The following PTBP3 variants were observed in gnomAD, a reference collection of about 807,000 sequenced individuals.
PTBP3 encodes the protein polypyrimidine tract-binding protein 3.
In PTBP3, 20 loss-of-function variants were observed where a neutral mutation model predicts 58.7. That is an observed-to-expected ratio of 0.34 (90% CI 0.24 to 0.50). PTBP3 has a LOEUF of 0.50. Ranked by LOEUF, PTBP3 falls within the 20% of genes least tolerant of loss-of-function variation. The pLI, the probability that PTBP3 is intolerant of heterozygous loss-of-function variation, is 0.98. For missense variants in PTBP3, 509 were observed against 637.2 expected, an observed-to-expected ratio of 0.80 and a Z score of 2.17; for synonymous variants, 185 against 219.8, an observed-to-expected ratio of 0.84 and a Z score of 1.40.
chr9:112,239,026 A>G (rs1835540851), intron 7 of PTBP3, among the ~76,000 whole-genome samples: 1 of 152,200 alleles, frequency 6.6e-6, no homozygotes, highest in Admixed American at 6.5e-5. Context: ...AACAATAATA[A>G]CAAATTGCCA....
intron 11 of PTBP3, among the ~76,000 whole-genome samples, chr9:112,228,005 T>C (rs113865467): frequency 2.0e-5 from 3 of 152,318 alleles, no homozygotes; most frequent in Admixed American, 6.5e-5. Flanking sequence ...ATGAACCCTT[T>C]CTTGTATCAT....
At chr9:112,298,758 C>T (rs1221762879) in intron 1 of PTBP3, among the ~76,000 whole-genome samples, 1 of 152,180 alleles carries the variant, frequency 6.6e-6, no homozygotes, top group Non-Finnish European at 1.5e-5. Flanking sequence ...GTAGGTGCCA[C>T]TTCTGTAGGG....
the PTBP3 span, among the ~76,000 whole-genome samples, chr9:112,375,343 A>G: frequency 1.6e-3 from 241 of 152,340 alleles, 3 homozygotes; most frequent in South Asian, 9.3e-3. Flanking sequence ...ACATCTGGCC[A>G]TTTCTCCTTC....
In PTBP3 at chr9:112,250,967, C is replaced by T. The variant is rs1485603307; in HGVS notation, c.764G>A (p.Gly255Asp). Residue 255 changes from glycine to aspartate, a missense_variant, in exon 7 of 14, where the codon GGC becomes GAC. Gly to Asp is a moderately conservative substitution (Grantham distance 94, BLOSUM62 -1). Transcript: ENST00000374257. ...CATAGGGGGTTCAAGGGATGGCTGGCCATCACCAGTAGGAAGGTCTAAGCG... is the reference window on the plus strand; with the variant it reads ...CATAGGGGGTTCAAGGGATGGCTGGTCATCACCAGTAGGAAGGTCTAAGCG... ...FTRLDLPTGD[G>D]QPSLEPPMAA... is the part of the protein sequence containing the mutation. 1.2e-6 allele frequency: 2 copies of T among 1,607,730 alleles called. No homozygotes were observed. The highest frequency in any genetic ancestry group is 1.1e-5 in the South Asian group (1 of 89,948).
the PTBP3 span, among the ~76,000 whole-genome samples, chr9:112,358,073 C>T: frequency 6.6e-6 from 1 of 152,016 alleles, no homozygotes; most frequent in Non-Finnish European, 1.5e-5. Context: ...TTTAGAAGGC[C>T]AAGGCAGGTG....
chr9:112,295,601 T>TAAAA (rs35276003), intron 2 of PTBP3, among the ~76,000 whole-genome samples: 62 of 92,472 alleles, frequency 6.7e-4, no homozygotes, highest in African/African-American at 2.0e-3. Flanking sequence ...GTTCTGTTGG[T>TAAAA]AAAAAAAAAA....
rs1426305448 is a variant in PTBP3, at chr9:112,221,614, C to G, written c.*2237G>C. The G allele has an allele frequency of 1.4e-5, 14 of 985,140 alleles. No individual in the cohort carries two copies. The highest frequency in any genetic ancestry group is 1.7e-5 in the African/African-American group (1 of 57,162). The allele number at this position is 985,140 out of a possible 1,614,324, so 61.0% of individuals were successfully genotyped here. Reference sequence around the variant, plus strand: ...TTCCTCCTTCATATACCCCTTGTGTCTAGGTCAAAACTTATTTCATAAGTA... The same window carrying G: ...TTCCTCCTTCATATACCCCTTGTGTGTAGGTCAAAACTTATTTCATAAGTA... On this transcript the variant is annotated 3_prime_UTR_variant, in exon 14 of 14. Transcript: ENST00000374257.
intron 7 of PTBP3, among the ~76,000 whole-genome samples, chr9:112,236,977 G>T (rs1167918452): frequency 1.3e-5 from 2 of 152,088 alleles, no homozygotes; most frequent in African/African-American, 4.8e-5. Context: ...CTGATGAGGG[G>T]GAGTAGTTGT....
At chr9:112,377,519 C>T in the PTBP3 span, among the ~76,000 whole-genome samples, 1 of 152,182 alleles carries the variant, frequency 6.6e-6, no homozygotes. Context: ...AGTTGTTCAG[C>T]TCTTCCTTAA....
chr9:112,320,510 T>C (rs1013434520), intron 1 of PTBP3, among the ~76,000 whole-genome samples: 2 of 151,682 alleles, frequency 1.3e-5, no homozygotes, highest in Non-Finnish European at 2.9e-5. Flanking sequence ...TAGATTTTAA[T>C]CAATGCCAGG....
chr9:112,225,928 C>T (rs896248975), intron 12 of PTBP3, among the ~76,000 whole-genome samples: 1 of 152,046 alleles, frequency 6.6e-6, no homozygotes. Context: ...CCTGTAGTCC[C>T]AGCTACTTGG....
intron 2 of PTBP3, among the ~76,000 whole-genome samples, chr9:112,290,648 G>T (rs1466314502): frequency 7.0e-6 from 1 of 143,816 alleles, no homozygotes; most frequent in African/African-American, 2.6e-5. Flanking sequence ...TTCCAGCCTG[G>T]GTGACAAAGT....
chr9:112,350,830 A>G, the PTBP3 span, among the ~76,000 whole-genome samples: 7 of 151,832 alleles, frequency 4.6e-5, no homozygotes, highest in African/African-American at 1.7e-4. Context: ...ACGAAGTCTC[A>G]CTCTGTTGCC....
At chr9:112,233,902 G>A (rs1046282546) in intron 8 of PTBP3, among the ~76,000 whole-genome samples, 2 of 150,858 alleles carry the variant, frequency 1.3e-5, no homozygotes, top group East Asian at 1.9e-4. Flanking sequence ...CTGCATTCCA[G>A]CCTGGGCAAC....
At chr9:112,275,559 T>C (rs1387524912) in intron 3 of PTBP3, among the ~76,000 whole-genome samples, 1 of 152,134 alleles carries the variant, frequency 6.6e-6, no homozygotes, top group Non-Finnish European at 1.5e-5. Flanking sequence ...TAAACCACTG[T>C]GTAATACAAA....
chr9:112,296,836 T>G (rs1197935097), intron 2 of PTBP3, among the ~76,000 whole-genome samples: 1 of 152,158 alleles, frequency 6.6e-6, no homozygotes, highest in Non-Finnish European at 1.5e-5. Context: ...AAGTCCAAGT[T>G]CAAAACCTGG....
At chr9:112,310,121 T>G (rs1200014275) in intron 1 of PTBP3, among the ~76,000 whole-genome samples, 1 of 152,242 alleles carries the variant, frequency 6.6e-6, no homozygotes, top group Admixed American at 6.5e-5. Flanking sequence ...ATTGTTCATT[T>G]GTGACATTTT....
At chr9:112,305,430 A>G (rs1170165888) in intron 1 of PTBP3, among the ~76,000 whole-genome samples, 3 of 152,254 alleles carry the variant, frequency 2.0e-5, no homozygotes, top group Non-Finnish European at 4.4e-5. Flanking sequence ...TAAATTATTT[A>G]TGCCTATATA....
intron 1 of PTBP3, chr9:112,333,116 GA>G: frequency 7.9e-7 from 1 of 1,258,188 alleles, no homozygotes; most frequent in Non-Finnish European, 1.0e-6. Flanking sequence ...TTTCTGAGAG[GA>G]AGTGTCGGGA....
Sources: gnomAD v4.1 joint callset for allele counts (sites outside exome capture counted in the v4.1 genomes callset) on GRCh38, gnomAD v4.1.1 for gene constraint, MANE v1.5 for transcripts, NCBI Gene and HGNC (gene_info 2026-07-23, HGNC 2026-07-21) for gene names.